The following EPHA6 variants were observed in gnomAD, a reference collection of about 807,000 sequenced individuals.
The protein encoded by EPHA6 is EPH receptor A6.
Under a neutral mutation model 112.0 loss-of-function variants are expected in EPHA6, and 50 were observed. That is an observed-to-expected ratio of 0.45 (90% CI 0.36 to 0.56). EPHA6 has a LOEUF of 0.56. Among genes scored for constraint, EPHA6 ranks in the 20% least tolerant of loss-of-function variants. The pLI, the probability that EPHA6 is intolerant of heterozygous loss-of-function variation, is 0.00. For missense variants in EPHA6, 1,280 were observed against 1,417.4 expected (o/e 0.90, Z 1.56); for synonymous variants, 529 against 490.7 (o/e 1.08, Z -1.03).
At chr3:96,912,692 G>A (rs2039278513) in intron 2 of EPHA6, among the ~76,000 whole-genome samples, 1 of 152,064 alleles carries the variant, frequency 6.6e-6, no homozygotes, top group African/African-American at 2.4e-5. Context: ...GGTTTAAGCA[G>A]TCTTCCTGCC....
chr3:97,243,399 T>C (rs2078902852), intron 4 of EPHA6, among the ~76,000 whole-genome samples: 3 of 151,896 alleles, frequency 2.0e-5, no homozygotes, highest in Admixed American at 2.0e-4. Flanking sequence ...CGTTTTTCCT[T>C]TTTCCAAATC....
At chr3:96,836,586 A>G (rs544769230) in intron 1 of EPHA6, among the ~76,000 whole-genome samples, 166 of 152,298 alleles carry the variant, frequency 1.1e-3, no homozygotes, top group Non-Finnish European at 1.8e-3. Context: ...TTAATCATTC[A>G]TTCCACATTT....
At chr3:96,886,775 G>C (rs1052579620) in intron 2 of EPHA6, among the ~76,000 whole-genome samples, 28 of 151,928 alleles carry the variant, frequency 1.8e-4, no homozygotes, top group Non-Finnish European at 2.6e-4. Flanking sequence ...TTTTTGTTTT[G>C]TAGGTCCTAT....
chr3:96,921,438 G>C (rs2039758846), intron 2 of EPHA6, among the ~76,000 whole-genome samples: 1 of 152,024 alleles, frequency 6.6e-6, no homozygotes, highest in South Asian at 2.1e-4. Context: ...CCTAAAGTGT[G>C]TTGTTAAAAT....
At chr3:97,293,937 G>A (rs910347203) in intron 5 of EPHA6, among the ~76,000 whole-genome samples, 3 of 152,224 alleles carry the variant, frequency 2.0e-5, no homozygotes, top group Non-Finnish European at 4.4e-5. Flanking sequence ...GTTGGGGACC[G>A]AGGTGGCATG....
chr3:97,553,228 C>A (rs2093053228), intron 11 of EPHA6, among the ~76,000 whole-genome samples: 1 of 151,996 alleles, frequency 6.6e-6, no homozygotes, highest in African/African-American at 2.4e-5. Flanking sequence ...CCCTGCTAAT[C>A]CACAATGCCC....
chr3:97,363,999 G>T (rs1430265367), intron 5 of EPHA6, among the ~76,000 whole-genome samples: 1 of 152,014 alleles, frequency 6.6e-6, no homozygotes, highest in Non-Finnish European at 1.5e-5. Flanking sequence ...GCAACGGCTG[G>T]GAGAGGACAA....
At chr3:97,287,190 A>G (rs148847826) in intron 5 of EPHA6, among the ~76,000 whole-genome samples, 1 of 152,310 alleles carries the variant, frequency 6.6e-6, no homozygotes, top group African/African-American at 2.4e-5. Flanking sequence ...ACCTACAAAC[A>G]GAAACCATTT....
chr3:96,844,080 C>G (rs1209807280), intron 1 of EPHA6, among the ~76,000 whole-genome samples: 1 of 151,900 alleles, frequency 6.6e-6, no homozygotes, highest in African/African-American at 2.4e-5. Context: ...AGTAGGTTTA[C>G]TTAGTAGAAA....
At position 97,035,090 on chromosome 3, in the gene EPHA6, G is replaced by C. The variant is rs544811836; in HGVS notation, c.1114+47097G>C. The stretch of plus-strand genomic sequence containing the variant: ...TTGCTCTCAATTAAGATTTTTTAGA[G>C]TTTCTCCAAAACTCCTTTTAGAAAT... On this transcript the variant is annotated intron_variant, in intron 3 of 17. Coordinates refer to ENST00000389672, the MANE Select transcript of EPHA6 (RefSeq NM_001080448.3). Among the ~76,000 whole-genome samples the C allele has an allele frequency of 2.0e-5, 3 of 151,940 alleles. No individual in the cohort carries two copies. The South Asian group carries it at 6.2e-4, about 32-fold the overall frequency.
At chr3:96,868,763 A>G (rs897925020) in intron 2 of EPHA6, among the ~76,000 whole-genome samples, 1 of 151,936 alleles carries the variant, frequency 6.6e-6, no homozygotes, top group African/African-American at 2.4e-5. Flanking sequence ...ATTGAAAAAA[A>G]CTCTTCCTAT....
At chr3:97,547,985 A>G (rs997468986) in intron 11 of EPHA6, among the ~76,000 whole-genome samples, 2 of 152,172 alleles carry the variant, frequency 1.3e-5, no homozygotes, top group Admixed American at 6.5e-5. Context: ...TTTGACTAGG[A>G]AAGGGAATTC....
intron 3 of EPHA6, among the ~76,000 whole-genome samples, chr3:97,056,546 G>A (rs2045858874): frequency 6.6e-6 from 1 of 152,138 alleles, no homozygotes; most frequent in African/African-American, 2.4e-5. Context: ...GTTGGCTCTT[G>A]GCCTCATGTA....
In EPHA6 at chr3:96,991,800, A is replaced by G. The variant is rs191020975; in HGVS notation, c.1114+3807A>G. On this transcript the variant is annotated intron_variant, in intron 3 of 17. Coordinates refer to ENST00000389672, the MANE Select transcript of EPHA6 (RefSeq NM_001080448.3). ...TGTTGATCTGCAGAACTAAGAACCT[A>G]AAAATAAGTTATGGTTCCTTACACA... Among the ~76,000 whole-genome samples, 203 of 152,264 alleles carry G rather than the reference A, an allele frequency of 1.3e-3. 1 individual carries two copies. The highest frequency in any genetic ancestry group is 2.5e-3 in the Non-Finnish European group (172 of 68,012).
At chr3:97,677,890 A>C (rs1342352484) in intron 14 of EPHA6, among the ~76,000 whole-genome samples, 1 of 152,118 alleles carries the variant, frequency 6.6e-6, no homozygotes, top group Non-Finnish European at 1.5e-5. Context: ...ACTGTAATTA[A>C]ACAGGAATGT....
At chr3:97,488,702 C>T (rs565208212) in intron 10 of EPHA6, among the ~76,000 whole-genome samples, 26 of 152,176 alleles carry the variant, frequency 1.7e-4, no homozygotes, top group African/African-American at 5.8e-4. Context: ...GGCTCATTTT[C>T]TCTATATTTA....
intron 3 of EPHA6, among the ~76,000 whole-genome samples, chr3:97,113,611 C>T (rs549405943): frequency 6.6e-6 from 1 of 152,196 alleles, no homozygotes; most frequent in African/African-American, 2.4e-5. Context: ...CCTGCATCCC[C>T]AAAGGGAGAA....
At chr3:97,204,079 G>A (rs2077650652) in intron 3 of EPHA6, among the ~76,000 whole-genome samples, 1 of 152,046 alleles carries the variant, frequency 6.6e-6, no homozygotes, top group African/African-American at 2.4e-5. Flanking sequence ...TTTACTAAGT[G>A]ACAGTGTATT....
intron 5 of EPHA6, among the ~76,000 whole-genome samples, chr3:97,311,938 A>T (rs76689423): frequency 0.034 from 5,179 of 151,774 alleles, 264 homozygotes; most frequent in African/African-American, 0.11. Flanking sequence ...ATATCTCAAC[A>T]ATATTTAGTC....
Sources: allele counts gnomAD v4.1 joint callset (sites outside exome capture counted in the v4.1 genomes callset), GRCh38; gene constraint gnomAD v4.1.1; transcripts MANE v1.5; gene names NCBI Gene and HGNC (gene_info 2026-07-23, HGNC 2026-07-21).